The following CNTNAP2 variants were observed in gnomAD, a reference collection of about 807,000 sequenced individuals.
CNTNAP2 encodes contactin associated protein 2, also known as contactin-associated protein-like 2.
A neutral mutation model predicts 155.2 loss-of-function variants in CNTNAP2; 98 were observed. The observed-to-expected ratio is 0.63, with a 90% CI of 0.54 to 0.75. The LOEUF (loss-of-function observed/expected upper bound fraction) is 0.75, where lower values mean the gene tolerates loss of function less well. CNTNAP2 is among the 30% of genes least tolerant of loss of function. The pLI is 0.00. For synonymous variants in CNTNAP2, 651 were observed against 631.2 expected (o/e 1.03, Z -0.47); for missense variants, 1,727 against 1,688.1 (o/e 1.02, Z -0.40).
At chr7:147,014,811 A>T (rs985728876) in intron 3 of CNTNAP2, among the ~76,000 whole-genome samples, 1 of 152,180 alleles carries the variant, frequency 6.6e-6, no homozygotes, top group Admixed American at 6.6e-5. Context: ...ACATACTCAT[A>T]GTTAGTCAGT....
intron 8 of CNTNAP2, among the ~76,000 whole-genome samples, chr7:147,208,509 A>G (rs144706763): frequency 1.3e-5 from 2 of 152,176 alleles, no homozygotes; most frequent in Admixed American, 6.5e-5. Flanking sequence ...GACCATGTAG[A>G]AATCACTATA....
intron 8 of CNTNAP2, among the ~76,000 whole-genome samples, chr7:147,164,985 T>C (rs576364382): frequency 6.6e-6 from 1 of 152,320 alleles, no homozygotes; most frequent in South Asian, 2.1e-4. Context: ...AATGACTGAA[T>C]CTTATAAGAC....
chr7:146,549,917 T>C (rs1183971158), intron 1 of CNTNAP2, among the ~76,000 whole-genome samples: 1 of 151,942 alleles, frequency 6.6e-6, no homozygotes, highest in Non-Finnish European at 1.5e-5. Context: ...CTGTAACAGG[T>C]TGAGGATGAC....
chr7:147,372,268 G>C (rs925987082), intron 9 of CNTNAP2, among the ~76,000 whole-genome samples: 2 of 152,104 alleles, frequency 1.3e-5, no homozygotes, highest in African/African-American at 4.8e-5. Context: ...AGTCTTCTGA[G>C]CCTATTAGAG....
At chr7:148,401,068 T>C (rs556133103) in intron 22 of CNTNAP2, among the ~76,000 whole-genome samples, 1 of 152,246 alleles carries the variant, frequency 6.6e-6, no homozygotes, top group Non-Finnish European at 1.5e-5. Context: ...CAGCTGAAAC[T>C]TTTTTTCCCG....
At chr7:147,925,206 G>GGAAAGAAA (rs1554450412) in intron 14 of CNTNAP2, among the ~76,000 whole-genome samples, 1 of 122,728 alleles carries the variant, frequency 8.1e-6, no homozygotes, top group Admixed American at 9.0e-5. Context: ...AAGGAAGGAA[G>GGAAAGAAA]GAAAGAAGGA....
intron 1 of CNTNAP2, among the ~76,000 whole-genome samples, chr7:146,588,672 T>C (rs1234901027): frequency 6.6e-6 from 1 of 152,094 alleles, no homozygotes; most frequent in African/African-American, 2.4e-5. Context: ...CACACCTGGC[T>C]ATTTTTTAAA....
At chr7:146,593,163 T>C (rs1192419132) in intron 1 of CNTNAP2, among the ~76,000 whole-genome samples, 1 of 150,740 alleles carries the variant, frequency 6.6e-6, no homozygotes, top group African/African-American at 2.4e-5. Flanking sequence ...TTATTATTAT[T>C]ATTAATATTA....
chr7:147,865,986 G>A (rs1435318269), intron 13 of CNTNAP2, among the ~76,000 whole-genome samples: 2 of 152,074 alleles, frequency 1.3e-5, no homozygotes, highest in South Asian at 2.1e-4. Context: ...GTTTGCTCTT[G>A]CTTCTCTAGT....
At chr7:146,117,147 T>G in intron 1 of CNTNAP2, 174 bp downstream of exon 1, 1 of 622,118 alleles carries the variant, frequency 1.6e-6, no homozygotes, top group East Asian at 2.8e-5. Context: ...CCAGCGTTTC[T>G]GTTTTGGAAG....
chr7:147,906,192 A>C (rs1799954571), intron 14 of CNTNAP2, among the ~76,000 whole-genome samples: 2 of 151,386 alleles, frequency 1.3e-5, no homozygotes, highest in South Asian at 2.1e-4. Context: ...ACAGGTTGAA[A>C]ACATAGATTT....
chr7:148,326,005 A>T (rs985765012), intron 21 of CNTNAP2, among the ~76,000 whole-genome samples: 4 of 152,014 alleles, frequency 2.6e-5, no homozygotes, highest in African/African-American at 9.7e-5. Context: ...TTTTGGACTT[A>T]CCTGTTGTCT....
At chr7:147,304,515 A>G (rs1794993711) in intron 9 of CNTNAP2, among the ~76,000 whole-genome samples, 1 of 152,122 alleles carries the variant, frequency 6.6e-6, no homozygotes, top group Non-Finnish European at 1.5e-5. Context: ...CTCTTTTGTT[A>G]TCATTAAAAG....
chr7:146,629,626 AATC>A (rs1237846443), intron 1 of CNTNAP2, among the ~76,000 whole-genome samples: 3 of 152,304 alleles, frequency 2.0e-5, no homozygotes, highest in East Asian at 1.9e-4. Context: ...CAACCCTGAT[AATC>A]ATCATCAAAT....
At chr7:147,156,744 C>A (rs1584761318) in intron 8 of CNTNAP2, among the ~76,000 whole-genome samples, 1 of 152,058 alleles carries the variant, frequency 6.6e-6, no homozygotes, top group Admixed American at 6.6e-5. Context: ...CAGTTCTTCC[C>A]CAACATTGAG....
At chr7:147,349,239 C>T (rs1410985489) in intron 9 of CNTNAP2, among the ~76,000 whole-genome samples, 1 of 151,724 alleles carries the variant, frequency 6.6e-6, no homozygotes, top group Admixed American at 6.6e-5. Context: ...CATCACTGTG[C>T]ATTTCATGAA....
chr7:146,907,263 A>G (rs1796154501), intron 3 of CNTNAP2, among the ~76,000 whole-genome samples: 2 of 147,798 alleles, frequency 1.4e-5, no homozygotes, highest in Admixed American at 6.7e-5. Context: ...CAATCTAGCA[A>G]GGCAGGCCAA....
chr7:146,721,949 C>G (rs1801343929), intron 1 of CNTNAP2, among the ~76,000 whole-genome samples: 1 of 139,942 alleles, frequency 7.1e-6, no homozygotes, highest in Non-Finnish European at 1.5e-5. Context: ...AGTGCAGTGG[C>G]ACGACTTCAG....
chr7:147,483,890 T>C (rs1292066875), intron 10 of CNTNAP2, among the ~76,000 whole-genome samples: 1 of 152,176 alleles, frequency 6.6e-6, no homozygotes, highest in Non-Finnish European at 1.5e-5. Context: ...CACCTCCCAC[T>C]GCTTTCACTC....
Sources: gnomAD v4.1 joint callset for allele counts (sites outside exome capture counted in the v4.1 genomes callset) on GRCh38, gnomAD v4.1.1 for gene constraint, MANE v1.5 for transcripts, NCBI Gene and HGNC (gene_info 2026-07-23, HGNC 2026-07-21) for gene names.